The following TGFB1 variants were observed in gnomAD, a reference collection of about 807,000 sequenced individuals.
TGFB1 encodes transforming growth factor beta 1.
Under a neutral mutation model 43.8 loss-of-function variants are expected in TGFB1, and 19 were observed. That is an observed-to-expected ratio of 0.43 (90% CI 0.30 to 0.64). The LOEUF is 0.64. Among genes scored for constraint, TGFB1 ranks in the 30% least tolerant of loss-of-function variants. The probability of loss-of-function intolerance (pLI) is 0.11; values close to 1 mark genes in which losing one functional copy is unlikely to be tolerated. For synonymous variants in TGFB1, 221 were observed against 236.3 expected (o/e 0.94, Z 0.60); for missense variants, 445 against 529.8 (o/e 0.84, Z 1.57).
intron 2 of TGFB1, among the ~76,000 whole-genome samples, chr19:41,347,813 GCAAGAC>G (rs1320765700): frequency 4.7e-5 from 5 of 106,526 alleles, no homozygotes; most frequent in Non-Finnish European, 3.5e-5. Context: ...GGGCGACAGA[GCAAGAC>G]TCCATCTCAA....
intron 1 of TGFB1, among the ~76,000 whole-genome samples, chr19:41,351,355 G>A (rs1599896625): frequency 6.6e-6 from 1 of 152,228 alleles, no homozygotes; most frequent in Admixed American, 6.5e-5. Context: ...CGGGACGCCT[G>A]GGTCCTCGCA....
chr19:41,347,364 A>C (rs916076627), intron 2 of TGFB1, among the ~76,000 whole-genome samples: 5 of 152,130 alleles, frequency 3.3e-5, no homozygotes, highest in Non-Finnish European at 7.3e-5. Context: ...AATTTTAATC[A>C]AGCTAAATGT....
intron 5 of TGFB1, among the ~76,000 whole-genome samples, chr19:41,340,260 T>C (rs901785627): frequency 2.2e-4 from 12 of 55,270 alleles, no homozygotes; most frequent in African/African-American, 4.3e-4. Flanking sequence ...TCTTTTTTTT[T>C]TTTTTTTTTT....
chr19:41,331,566 C>CTTTTTTT (rs3061187), intron 6 of TGFB1, among the ~76,000 whole-genome samples: 1 of 77,442 alleles, frequency 1.3e-5, no homozygotes, highest in African/African-American at 6.2e-5. Context: ...CCACTCCTAG[C>CTTTTTTT]TTTTTTTTTT....
At chr19:41,343,740 G>A (rs1166224028) in intron 3 of TGFB1, among the ~76,000 whole-genome samples, 1 of 152,182 alleles carries the variant, frequency 6.6e-6, no homozygotes, top group Non-Finnish European at 1.5e-5. Context: ...ACTGAGGGCT[G>A]TCTTGGTTAT....
chr19:41,344,913 G>A (rs199879125), intron 2 of TGFB1, 49 bp from the exon 3 acceptor site: 58 of 1,475,550 alleles, frequency 3.9e-5, no homozygotes, highest in East Asian at 4.9e-5. Flanking sequence ...ATGGTGTCAC[G>A]ACCCCACATA....
chr19:41,347,211 C>T (rs1403896745), intron 2 of TGFB1, among the ~76,000 whole-genome samples: 2 of 151,944 alleles, frequency 1.3e-5, no homozygotes, highest in East Asian at 1.9e-4. Flanking sequence ...TTTGTAGAGA[C>T]GAAGTTTCAA....
chr19:41,331,100 C>G lies in TGFB1; in HGVS notation c.1125G>C (p.Lys375Asn). The change falls in exon 7 of 7, where the codon AAG (lysine) becomes AAC (asparagine). Residue 375 changes from lysine to asparagine, a missense_variant. This residue lies in a region of TGFB1 where 56 missense variants were observed against 46.9 expected (regional missense o/e 1.19). Coordinates refer to ENST00000221930, the MANE Select transcript of TGFB1 (RefSeq NM_000660.7). ...CGATCATGTTGGACAGCTGCTCCAC[C>G]TTGGGCTTGCGGCCCACGTAGTACA... ...PIVYYVGRKPKVEQLSNMIVR... is the reference protein window; with the variant it reads ...PIVYYVGRKPNVEQLSNMIVR... The G allele has an allele frequency of 6.3e-7, 1 of 1,589,860 alleles. No homozygotes were observed. The highest frequency in any genetic ancestry group is 8.5e-7 in the Non-Finnish European group (1 of 1,170,152).
At chr19:41,338,219 G>T (rs2036708418) in intron 5 of TGFB1, among the ~76,000 whole-genome samples, 1 of 147,672 alleles carries the variant, frequency 6.8e-6, no homozygotes, top group Admixed American at 6.8e-5. Context: ...ATACGGCCGG[G>T]TGCGTGGCTC....
intron 5 of TGFB1, among the ~76,000 whole-genome samples, chr19:41,332,532 T>G (rs1331893704): frequency 6.6e-6 from 1 of 152,208 alleles, no homozygotes; most frequent in Non-Finnish European, 1.5e-5. Flanking sequence ...GACAAGCCTG[T>G]AAGAAGCCAG....
chr19:41,332,028 C>T (rs2037937522), intron 6 of TGFB1, 100 bp downstream of exon 6: 2 of 1,480,764 alleles, frequency 1.4e-6, no homozygotes. Context: ...TCTCCCCATC[C>T]TGCCAACTCA....
At chr19:41,338,367 G>A (rs1450490961) in intron 5 of TGFB1, among the ~76,000 whole-genome samples, 1 of 151,238 alleles carries the variant, frequency 6.6e-6, no homozygotes, top group Non-Finnish European at 1.5e-5. Flanking sequence ...GGTGGCAGGT[G>A]CCTATAATCC....
In TGFB1 at chr19:41,339,184, T is replaced by C. The variant is rs1160000995; in HGVS notation, c.860+2699A>G. ...TCTGTCCTGAAATGCAGTGGCGTGA[T>C]CCTGGCTGACTGCAGCCACAACCTC... On this transcript the variant is annotated intron_variant, in intron 5 of 6. Coordinates refer to ENST00000221930, the MANE Select transcript of TGFB1 (RefSeq NM_000660.7). Among the ~76,000 whole-genome samples the C allele has an allele frequency of 2.0e-5, 3 of 151,558 alleles. No individual in the cohort carries two copies. In the East Asian group the frequency reaches 5.9e-4, roughly 30 times the overall value.
intron 3 of TGFB1, among the ~76,000 whole-genome samples, chr19:41,343,980 CTT>C (rs3061192): frequency 7.1e-5 from 7 of 98,634 alleles, no homozygotes; most frequent in Non-Finnish European, 7.6e-5. Flanking sequence ...TGCCTGGAAT[CTT>C]TTTTTTTTTT....
At chr19:41,334,487 G>A (rs1401371123) in intron 5 of TGFB1, among the ~76,000 whole-genome samples, 1 of 140,558 alleles carries the variant, frequency 7.1e-6, no homozygotes, top group Non-Finnish European at 1.5e-5. Context: ...GGAGTGCAGT[G>A]GTGCAATCTT....
At position 41,331,163 on chromosome 19, in the gene TGFB1, C is replaced by G; in HGVS notation, c.1062G>C (p.Pro354=). 6.4e-7 allele frequency: 1 copy of G among 1,558,026 alleles called. No homozygotes were observed. The highest frequency in any genetic ancestry group is 1.2e-5 in the South Asian group (1 of 85,040). The change falls in exon 7 of 7, where the codon CCG becomes CCC. Residue 354 remains proline, a synonymous_variant. Coordinates refer to ENST00000221930, the MANE Select transcript of TGFB1 (RefSeq NM_000660.7). ...GCTCCAGCGCCTGCGGCACGCAGCACGGCGCCGCCGAGGCGCCCGGGTTAT... is the reference window on the plus strand; with the variant it reads ...GCTCCAGCGCCTGCGGCACGCAGCAGGGCGCCGCCGAGGCGCCCGGGTTAT... ...NQHNPGASAA[P]CCVPQALEPL... is the part of the protein sequence containing the mutation.
intron 5 of TGFB1, among the ~76,000 whole-genome samples, chr19:41,341,454 G>A (rs1424089744): frequency 3.0e-5 from 3 of 101,582 alleles, no homozygotes; most frequent in Non-Finnish European, 3.6e-5. Flanking sequence ...GTGACAGAGC[G>A]AGACTCTGTC....
intron 2 of TGFB1, 128 bp downstream of exon 2, chr19:41,348,167 T>C (rs756990540): frequency 2.0e-5 from 22 of 1,089,798 alleles, no homozygotes; most frequent in Middle Eastern, 3.0e-4. Flanking sequence ...TTGTATGGTT[T>C]GTGTTCTTCT....
At chr19:41,332,341 C>A in intron 5 of TGFB1, 60 bp from the exon 6 acceptor site, 7 of 1,568,162 alleles carry the variant, frequency 4.5e-6, no homozygotes, top group Non-Finnish European at 6.0e-6. Context: ...AAGCCACATG[C>A]CCCTCCTCCC....
Sources: gnomAD v4.1 joint callset for allele counts (sites outside exome capture counted in the v4.1 genomes callset) on GRCh38, gnomAD v4.1.1 for gene constraint, gnomAD v4.1.1 regional missense constraint, MANE v1.5 for transcripts, NCBI Gene and HGNC (gene_info 2026-07-23, HGNC 2026-07-21) for gene names.